KSR2: variants seen among roughly 807,000 people sequenced by gnomAD.
KSR2 encodes kinase suppressor of ras 2.
A neutral mutation model predicts 107.8 loss-of-function variants in KSR2; 25 were observed. The ratio of observed to expected loss-of-function variants is 0.23; its 90% CI spans 0.17 to 0.32. The LOEUF (loss-of-function observed/expected upper bound fraction) is 0.32. KSR2 is among the 10% of genes least tolerant of loss of function. The probability of loss-of-function intolerance (pLI) is 1.00; values close to 1 mark genes in which losing one functional copy is unlikely to be tolerated. For synonymous variants in KSR2, 480 were observed against 507.0 expected (o/e 0.95, Z 0.71); for missense variants, 887 against 1,268.9 (o/e 0.70, Z 4.57).
chr12:117,874,474 C>T (rs1893764064), intron 1 of KSR2, among the ~76,000 whole-genome samples: 1 of 152,166 alleles, frequency 6.6e-6, no homozygotes, highest in African/African-American at 2.4e-5. Context: ...CTCAAGCAAT[C>T]CTCCTGCCTT....
intron 4 of KSR2, among the ~76,000 whole-genome samples, chr12:117,693,803 C>A (rs1489955467): frequency 2.0e-5 from 3 of 152,160 alleles, no homozygotes; most frequent in African/African-American, 7.2e-5. Context: ...AGATGGTATA[C>A]CTGCGGCTCA....
intron 4 of KSR2, among the ~76,000 whole-genome samples, chr12:117,675,201 G>C (rs976474865): frequency 1.3e-5 from 2 of 152,040 alleles, no homozygotes; most frequent in Non-Finnish European, 2.9e-5. Flanking sequence ...TCTCCCCTAG[G>C]GCCCATGCCC....
intron 14 of KSR2, among the ~76,000 whole-genome samples, chr12:117,509,659 G>A (rs1263357928): frequency 6.6e-6 from 1 of 152,206 alleles, no homozygotes; most frequent in African/African-American, 2.4e-5. Context: ...TTCCAAACAA[G>A]TCTGCCGAGA....
At chr12:117,763,252 G>A (rs1351314005) in intron 3 of KSR2, among the ~76,000 whole-genome samples, 1 of 151,660 alleles carries the variant, frequency 6.6e-6, no homozygotes, top group African/African-American at 2.4e-5. Flanking sequence ...AGTATTCCAT[G>A]GTGTATATGT....
chr12:117,639,629 G>GTATTATTATTATTATTAT lies in KSR2; in HGVS notation c.1171+27827_1171+27844dup, dbSNP rs5801245. On this transcript the variant is annotated intron_variant, in intron 5 of 19. Coordinates refer to ENST00000339824, the MANE Select transcript of KSR2 (RefSeq NM_173598.6). ...ACAGGCATGAGCCACCGCACCCAGCGTATTATTATTATTATTATTATTATT... is the reference window on the plus strand; with the variant it reads ...ACAGGCATGAGCCACCGCACCCAGCGTATTATTATTATTATTATTATTATTATTATTATTATTATTATT... Among the ~76,000 whole-genome samples, 270 of 137,866 alleles carry GTATTATTATTATTATTAT rather than the reference G, an allele frequency of 2.0e-3. 4 individuals are homozygous for GTATTATTATTATTATTAT. Among genetic ancestry groups the GTATTATTATTATTATTAT allele is most frequent in the East Asian group, 0.013 (61 of 4,858 alleles). 90.4% of individuals were successfully genotyped at this position (137,866 alleles called of 152,430 possible). A position where few individuals can be genotyped will look rare whatever the true frequency, so the allele number is the denominator to read the frequency against.
intron 1 of KSR2, among the ~76,000 whole-genome samples, chr12:117,867,977 T>C (rs1020504575): frequency 6.6e-6 from 1 of 152,252 alleles, no homozygotes; most frequent in African/African-American, 2.4e-5. Flanking sequence ...CTTGGGACTT[T>C]ATAAATTCTT....
chr12:117,485,010 G>C (rs1318902507), intron 15 of KSR2, among the ~76,000 whole-genome samples: 1 of 152,142 alleles, frequency 6.6e-6, no homozygotes, highest in Non-Finnish European at 1.5e-5. Context: ...TCTATTGGAG[G>C]CCTCGTTCAA....
At chr12:117,647,404 G>C (rs1883698780) in intron 5 of KSR2, among the ~76,000 whole-genome samples, 1 of 152,156 alleles carries the variant, frequency 6.6e-6, no homozygotes, top group Admixed American at 6.5e-5. Flanking sequence ...CCTGCCCACA[G>C]ACTGATGGGG....
At chr12:117,582,815 G>A (rs564346322) in intron 5 of KSR2, among the ~76,000 whole-genome samples, 2 of 152,308 alleles carry the variant, frequency 1.3e-5, no homozygotes, top group Non-Finnish European at 2.9e-5. Flanking sequence ...TTTTGGGTTC[G>A]AGGAACCTGA....
intron 6 of KSR2, 28 bp from the exon 7 acceptor site, chr12:117,579,230 AG>A: frequency 6.4e-7 from 1 of 1,557,036 alleles, no homozygotes. Flanking sequence ...AAAATGTTCA[AG>A]GTTAAGGAAA....
intron 1 of KSR2, among the ~76,000 whole-genome samples, chr12:117,927,777 T>C (rs919307593): frequency 2.0e-5 from 3 of 152,196 alleles, no homozygotes; most frequent in Non-Finnish European, 4.4e-5. Context: ...CAATGTGTAC[T>C]CGTATAAAAT....
chr12:117,720,659 C>A (rs1247122984), intron 4 of KSR2, among the ~76,000 whole-genome samples: 1 of 152,194 alleles, frequency 6.6e-6, no homozygotes, highest in Non-Finnish European at 1.5e-5. Context: ...AAACATCAGA[C>A]TGCTTATTAC....
chr12:117,671,820 C>A (rs527279060), intron 4 of KSR2, among the ~76,000 whole-genome samples: 1 of 152,174 alleles, frequency 6.6e-6, no homozygotes, highest in East Asian at 1.9e-4. Context: ...CCCATCCTGC[C>A]TGCCCAGGAG....
intron 14 of KSR2, among the ~76,000 whole-genome samples, chr12:117,512,568 A>G (rs1159759457): frequency 3.9e-5 from 6 of 152,138 alleles, no homozygotes; most frequent in Admixed American, 3.9e-4. Flanking sequence ...AAAGCCCTCC[A>G]TAAGCTTCTG....
chr12:117,760,708 C>T (rs989754812), intron 4 of KSR2, among the ~76,000 whole-genome samples: 9 of 152,294 alleles, frequency 5.9e-5, no homozygotes, highest in Middle Eastern at 3.4e-3. Flanking sequence ...CAGCCATAGG[C>T]AACACATAAA....
intron 14 of KSR2, among the ~76,000 whole-genome samples, chr12:117,516,380 C>T (rs1874378906): frequency 6.6e-6 from 1 of 152,096 alleles, no homozygotes; most frequent in African/African-American, 2.4e-5. Context: ...GACACAAATC[C>T]AAGCAATCAA....
At chr12:117,619,908 A>G (rs956685473) in intron 5 of KSR2, among the ~76,000 whole-genome samples, 1 of 152,036 alleles carries the variant, frequency 6.6e-6, no homozygotes, top group African/African-American at 2.4e-5. Flanking sequence ...GAACATGTCC[A>G]TCTCCCCAAG....
At chr12:117,557,585 G>A (rs186733603) in intron 8 of KSR2, among the ~76,000 whole-genome samples, 2 of 152,318 alleles carry the variant, frequency 1.3e-5, no homozygotes, top group Non-Finnish European at 1.5e-5. Context: ...TCTGGCCTAC[G>A]ATGTGCAGTA....
At chr12:117,616,052 G>A (rs1881868064) in intron 5 of KSR2, among the ~76,000 whole-genome samples, 1 of 151,778 alleles carries the variant, frequency 6.6e-6, no homozygotes, top group Non-Finnish European at 1.5e-5. Flanking sequence ...TACTTGGGGG[G>A]CTGAGGTGGG....
Sources: gnomAD v4.1 joint callset for allele counts (sites outside exome capture counted in the v4.1 genomes callset) on GRCh38, gnomAD v4.1.1 for gene constraint, MANE v1.5 for transcripts, NCBI Gene and HGNC (gene_info 2026-07-23, HGNC 2026-07-21) for gene names.